The following GRM5 variants were observed in gnomAD, a reference collection of about 807,000 sequenced individuals.
The protein encoded by GRM5 is metabotropic glutamate receptor 5.
A neutral mutation model predicts 83.1 loss-of-function variants in GRM5; 19 were observed. The ratio of observed to expected loss-of-function variants is 0.23; its 90% CI spans 0.16 to 0.34. The LOEUF (loss-of-function observed/expected upper bound fraction) is 0.34. Ranked by LOEUF, GRM5 falls within the 10% of genes least tolerant of loss-of-function variation. The probability of loss-of-function intolerance (pLI) is 1.00; values close to 1 mark genes in which losing one functional copy is unlikely to be tolerated. For missense variants in GRM5, 1,160 were observed against 1,588.3 expected (o/e 0.73, Z 4.58); for synonymous variants, 675 against 633.6 (o/e 1.07, Z -0.98).
intron 4 of GRM5, among the ~76,000 whole-genome samples, chr11:88,616,797 C>A (rs1217308679): frequency 6.6e-6 from 1 of 152,082 alleles, no homozygotes; most frequent in Non-Finnish European, 1.5e-5. Context: ...ACAAAAATTG[C>A]CTGTTTACAT....
At chr11:88,913,807 G>A (rs940681189) in intron 2 of GRM5, among the ~76,000 whole-genome samples, 6 of 151,778 alleles carry the variant, frequency 4.0e-5, no homozygotes, top group African/African-American at 1.2e-4. Context: ...GGCTGGTCTC[G>A]AACTCCTGAC....
intron 2 of GRM5, among the ~76,000 whole-genome samples, chr11:88,900,530 TA>T (rs1184079597): frequency 9.8e-5 from 15 of 152,302 alleles, no homozygotes; most frequent in East Asian, 3.9e-4. Context: ...GCATGTTGGT[TA>T]AAATGATCAT....
At chr11:88,885,611 G>T (rs1945032197) in intron 2 of GRM5, among the ~76,000 whole-genome samples, 1 of 151,116 alleles carries the variant, frequency 6.6e-6, no homozygotes, top group South Asian at 2.1e-4. Flanking sequence ...TATAAATAAG[G>T]TTTCCACAGA....
intron 4 of GRM5, among the ~76,000 whole-genome samples, chr11:88,650,031 G>A (rs1257590283): frequency 6.6e-6 from 1 of 151,860 alleles, no homozygotes; most frequent in Non-Finnish European, 1.5e-5. Flanking sequence ...CTTCTTGAAT[G>A]TGATAAGAAC....
intron 2 of GRM5, among the ~76,000 whole-genome samples, chr11:88,947,691 G>A (rs1938327553): frequency 1.3e-5 from 2 of 152,032 alleles, no homozygotes; most frequent in Admixed American, 1.3e-4. Context: ...CATTATGACT[G>A]GAAGAAATAA....
intron 2 of GRM5, among the ~76,000 whole-genome samples, chr11:89,046,025 A>G (rs1395610198): frequency 6.6e-6 from 1 of 152,070 alleles, no homozygotes; most frequent in East Asian, 1.9e-4. Flanking sequence ...GATTTGTAAC[A>G]TTGTGTCATT....
intron 3 of GRM5, among the ~76,000 whole-genome samples, chr11:88,661,711 A>G (rs1243872834): frequency 6.6e-6 from 1 of 152,116 alleles, no homozygotes; most frequent in Non-Finnish European, 1.5e-5. Context: ...AAAAATATTG[A>G]GACTCTATTT....
intron 2 of GRM5, among the ~76,000 whole-genome samples, chr11:88,936,364 T>G (rs1937895122): frequency 6.6e-6 from 1 of 151,886 alleles, no homozygotes; most frequent in African/African-American, 2.4e-5. Context: ...AAGTGAAAAC[T>G]TAACAAATAA....
chr11:88,829,046 T>G (rs1943940822), intron 3 of GRM5, among the ~76,000 whole-genome samples: 1 of 151,946 alleles, frequency 6.6e-6, no homozygotes, highest in African/African-American at 2.4e-5. Context: ...GAAAAAAATC[T>G]TAAAAAATTC....
At chr11:88,745,121 C>T (rs999813023) in intron 3 of GRM5, among the ~76,000 whole-genome samples, 1 of 151,842 alleles carries the variant, frequency 6.6e-6, no homozygotes, top group Non-Finnish European at 1.5e-5. Context: ...GATTTTAAAC[C>T]CAGGGTTATG....
intron 8 of GRM5, among the ~76,000 whole-genome samples, chr11:88,557,313 T>A (rs962919468): frequency 6.6e-6 from 1 of 152,158 alleles, no homozygotes; most frequent in Non-Finnish European, 1.5e-5. Flanking sequence ...GTTTACTGCA[T>A]AAAGGATGAA....
chr11:88,689,933 A>G (rs1940739612), intron 3 of GRM5, among the ~76,000 whole-genome samples: 1 of 152,144 alleles, frequency 6.6e-6, no homozygotes, highest in African/African-American at 2.4e-5. Context: ...TCCTTTATTG[A>G]AGAGATATAT....
intron 2 of GRM5, among the ~76,000 whole-genome samples, chr11:88,969,359 G>A (rs570452578): frequency 6.6e-6 from 1 of 151,910 alleles, no homozygotes; most frequent in African/African-American, 2.4e-5. Flanking sequence ...TAAACCTTCT[G>A]CAGGTAGTTT....
At chr11:89,003,865 A>G (rs777661437) in intron 2 of GRM5, among the ~76,000 whole-genome samples, 11 of 152,174 alleles carry the variant, frequency 7.2e-5, no homozygotes, top group African/African-American at 2.7e-4. Context: ...TTAGGCAGAC[A>G]GGTAGAATTA....
intron 3 of GRM5, among the ~76,000 whole-genome samples, chr11:88,698,454 T>A (rs1167735752): frequency 6.6e-6 from 1 of 152,232 alleles, no homozygotes; most frequent in African/African-American, 2.4e-5. Context: ...AGCAAAATCT[T>A]CCATGACTTC....
intron 8 of GRM5, among the ~76,000 whole-genome samples, chr11:88,542,664 C>A (rs1387431058): frequency 1.3e-5 from 2 of 152,136 alleles, no homozygotes; most frequent in Non-Finnish European, 1.5e-5. Flanking sequence ...TACTTGACAT[C>A]CAGAAAATAC....
chr11:88,619,647 AATG>A (rs1226335179), intron 4 of GRM5, among the ~76,000 whole-genome samples: 1 of 152,200 alleles, frequency 6.6e-6, no homozygotes, highest in Non-Finnish European at 1.5e-5. Flanking sequence ...ACTGTTTAAG[AATG>A]ATTTGGCAAA....
intron 3 of GRM5, among the ~76,000 whole-genome samples, chr11:88,829,554 T>C (rs970516691): frequency 6.6e-6 from 1 of 152,060 alleles, no homozygotes; most frequent in Non-Finnish European, 1.5e-5. Context: ...AATGATATAA[T>C]AGTATACAGA....
intron 2 of GRM5, among the ~76,000 whole-genome samples, chr11:88,968,613 C>G (rs917855620): frequency 6.6e-6 from 1 of 152,052 alleles, no homozygotes; most frequent in African/African-American, 2.4e-5. Context: ...GAGTTTGGGG[C>G]TGCAGTGAAC....
Sources: allele counts gnomAD v4.1 joint callset (sites outside exome capture counted in the v4.1 genomes callset), GRCh38; gene constraint gnomAD v4.1.1; transcripts MANE v1.5; gene names NCBI Gene and HGNC (gene_info 2026-07-23, HGNC 2026-07-21).